Variants in CORO7 observed in about 807,000 individuals in gnomAD.
CORO7 encodes the protein coronin 7, also known as coronin-7.
Under a neutral mutation model 126.6 loss-of-function variants are expected in CORO7, and 107 were observed. That is an observed-to-expected ratio of 0.85 (90% CI 0.72 to 0.99). The LOEUF is 0.99. Ranked by LOEUF, CORO7 falls within the 50% of genes least tolerant of loss-of-function variation. The pLI, the probability that CORO7 is intolerant of heterozygous loss-of-function variation, is 0.00. For synonymous variants in CORO7, 603 were observed against 536.8 expected (o/e 1.12, Z -1.70); for missense variants, 1,314 against 1,255.8 (o/e 1.05, Z -0.70).
At chr16:4,367,726 T>C (rs1055176777) in intron 9 of CORO7, among the ~76,000 whole-genome samples, 1 of 152,100 alleles carries the variant, frequency 6.6e-6, no homozygotes, top group Non-Finnish European at 1.5e-5. Flanking sequence ...GGTGGGTTCA[T>C]GGCCTGTTTG....
intron 6 of CORO7, 82 bp from the exon 7 acceptor site, chr16:4,395,421 A>C: frequency 6.3e-7 from 1 of 1,584,184 alleles, no homozygotes; most frequent in Non-Finnish European, 8.6e-7. Context: ...TCACCTCCCA[A>C]CCCCCAGCTC....
At chr16:4,408,843 G>C (rs976890265) in intron 3 of CORO7, among the ~76,000 whole-genome samples, 37 of 152,324 alleles carry the variant, frequency 2.4e-4, no homozygotes, top group African/African-American at 7.0e-4. Flanking sequence ...GGCGCCTATA[G>C]TCCCAGCTAC....
At chr16:4,357,779 C>T in intron 25 of CORO7, 189 bp downstream of exon 25, 1 of 988,988 alleles carries the variant, frequency 1.0e-6, no homozygotes, top group South Asian at 1.8e-5. Flanking sequence ...GGGGTGGGGA[C>T]CTGTGATGAA....
intron 6 of CORO7, 81 bp downstream of exon 6, chr16:4,405,410 G>C (rs907152951): frequency 2.1e-5 from 31 of 1,485,160 alleles, no homozygotes; most frequent in Non-Finnish European, 2.8e-5. Context: ...TAAACAACAA[G>C]CCTGGAAGGC....
intron 7 of CORO7, among the ~76,000 whole-genome samples, chr16:4,390,887 C>T (rs986210014): frequency 6.6e-6 from 1 of 152,252 alleles, no homozygotes; most frequent in East Asian, 1.9e-4. Flanking sequence ...CCCAGGACCA[C>T]AGCTGCCCCA....
In CORO7 at chr16:4,357,343, TTTTCTTTC is replaced by T. The variant is rs869242347; in HGVS notation, c.2594-92_2594-85del. On this transcript the variant is annotated intron_variant, in intron 25 of 27. Coordinates refer to ENST00000251166, the MANE Select transcript of CORO7 (RefSeq NM_024535.5). ...AAGCCCTCGGGGATTTCTTTCTTTC[TTTTCTTTC>T]TTTCTTTTTTTTTTTTTTTTTTTGA... is the stretch of plus-strand genomic sequence containing the variant. The T allele has an allele frequency of 2.6e-5, 32 of 1,226,264 alleles. No individual in the cohort carries two copies. In the African/African-American group the frequency reaches 4.6e-4, roughly 18 times the overall value. 76.0% of individuals were successfully genotyped at this position (1,226,264 alleles called of 1,614,324 possible).
At chr16:4,408,580 T>C (rs2056096279) in intron 3 of CORO7, among the ~76,000 whole-genome samples, 1 of 152,218 alleles carries the variant, frequency 6.6e-6, no homozygotes, top group Non-Finnish European at 1.5e-5. Flanking sequence ...CCACTGCTCC[T>C]TCAGTCGTGG....
chr16:4,381,784 G>A lies in CORO7; in HGVS notation c.785+6202C>T, dbSNP rs776057653. ...AGCTGCCCGCAACCCCTTCAACTGC[G>A]TGTGCCCCCTGAGCTGGTTTGGCCC... On this transcript the variant is annotated intron_variant, in intron 9 of 27. Coordinates refer to ENST00000251166, the MANE Select transcript of CORO7 (RefSeq NM_024535.5). 1.4e-5 allele frequency: 22 copies of A among 1,600,714 alleles called. No individual in the cohort carries two copies. The highest frequency in any genetic ancestry group is 1.6e-4 in the Middle Eastern group (1 of 6,080).
intron 7 of CORO7, among the ~76,000 whole-genome samples, chr16:4,389,704 G>A (rs1013669435): frequency 6.6e-6 from 1 of 152,242 alleles, no homozygotes; most frequent in African/African-American, 2.4e-5. Flanking sequence ...CCACGTAAGA[G>A]GGGATATCGG....
At position 4,412,266 on chromosome 16, in the gene CORO7, C is replaced by A. The variant is rs902224251; in HGVS notation, c.232+90G>T. The A allele has an allele frequency of 2.8e-5, 40 of 1,423,702 alleles. No homozygotes were observed. In the East Asian group the frequency reaches 5.5e-4, roughly 19 times the overall value. 88.2% of individuals were successfully genotyped at this position (1,423,702 alleles called of 1,614,324 possible). On this transcript the variant is annotated intron_variant, in intron 3 of 27. Coordinates refer to ENST00000251166, the MANE Select transcript of CORO7 (RefSeq NM_024535.5). ...GACAGGAGGGACCTGGCAAGCCATG[C>A]GGCAGTGGGACCAGGTGAGGATGAA...
chr16:4,415,291 G>A (rs781336122), intron 1 of CORO7, among the ~76,000 whole-genome samples: 8 of 152,094 alleles, frequency 5.3e-5, no homozygotes, highest in African/African-American at 1.7e-4. Context: ...ATCCACTCAT[G>A]CTCACTTTCC....
At chr16:4,364,484 C>A in intron 13 of CORO7, 71 bp from the exon 14 acceptor site, 2 of 1,477,628 alleles carry the variant, frequency 1.4e-6, no homozygotes, top group South Asian at 2.7e-5. Context: ...ATGGGAGGGT[C>A]AACTGGGTAG....
chr16:4,382,509 G>A (rs772754164), intron 9 of CORO7: 18 of 1,589,538 alleles, frequency 1.1e-5, no homozygotes, highest in East Asian at 4.6e-5. Context: ...GGCGGGTGCC[G>A]GAGGGCGAGG....
At chr16:4,370,693 C>A (rs2054493132) in intron 9 of CORO7, among the ~76,000 whole-genome samples, 1 of 152,214 alleles carries the variant, frequency 6.6e-6, no homozygotes, top group African/African-American at 2.4e-5. Context: ...CCCAGCCAGG[C>A]CCTGCTTAGC....
chr16:4,381,255 C>T (rs563318292), intron 9 of CORO7: 22 of 1,611,570 alleles, frequency 1.4e-5, no homozygotes, highest in Middle Eastern at 1.6e-4. Flanking sequence ...TGCGGCGCCT[C>T]GAGCGCCTCT....
intron 9 of CORO7, chr16:4,382,800 T>G (rs750028130): frequency 1.3e-6 from 2 of 1,590,198 alleles, no homozygotes; most frequent in Non-Finnish European, 1.7e-6. Context: ...CAGAGGGCGG[T>G]GGAGAGGCCC....
chr16:4,355,281 C>A lies in CORO7; in HGVS notation c.2772+5G>T. ...TGCCGGGAAGTGAGGCCACTCACTA[C>A]TCACCCACTCGTCCTCGTCCACGCC... On this transcript the variant is annotated splice_donor_5th_base_variant and intron_variant, in intron 27 of 27. Coordinates refer to ENST00000251166, the MANE Select transcript of CORO7 (RefSeq NM_024535.5). The A allele has an allele frequency of 1.9e-6, 3 of 1,613,418 alleles. No individual in the cohort carries two copies. In the South Asian group the frequency reaches 3.3e-5, roughly 18 times the overall value.
At chr16:4,412,738 C>T (rs1202220806) in intron 2 of CORO7, 2 of 391,816 alleles carry the variant, frequency 5.1e-6, no homozygotes, top group South Asian at 4.4e-5. Flanking sequence ...AGCCACTTTT[C>T]GCACTTTTAC....
chr16:4,405,511 G>T lies in CORO7; in HGVS notation c.544C>A (p.Leu182Met). 1 of 1,612,836 alleles carries T rather than the reference G, an allele frequency of 6.2e-7. No individual in the cohort carries two copies. The change falls in exon 6 of 28, where the codon CTG (leucine) becomes ATG (methionine). Residue 182 changes from leucine to methionine, a missense_variant. By Grantham distance (15) the Leu-to-Met change is conservative (BLOSUM62 2). Coordinates refer to ENST00000251166, the MANE Select transcript of CORO7 (RefSeq NM_024535.5). ...QSAVWSRDGA[L>M]VGTACKDKQL... is the part of the protein sequence containing the mutation. Reference sequence around the variant, plus strand: ...CTCACCTTGCACGCCGTGCCCACCAGGGCTCCATCTCGGCTCCAGACGGCG... The same window carrying T: ...CTCACCTTGCACGCCGTGCCCACCATGGCTCCATCTCGGCTCCAGACGGCG...
Sources: allele counts gnomAD v4.1 joint callset (sites outside exome capture counted in the v4.1 genomes callset), GRCh38; gene constraint gnomAD v4.1.1; transcripts MANE v1.5; gene names NCBI Gene and HGNC (gene_info 2026-07-23, HGNC 2026-07-21).